The following C1orf167 variants were observed in gnomAD, a reference collection of about 807,000 sequenced individuals.
The protein encoded by C1orf167 is chromosome 1 open reading frame 167, also known as uncharacterized protein C1orf167.
A neutral mutation model predicts 176.5 loss-of-function variants in C1orf167; 153 were observed. The observed-to-expected ratio is 0.87, with a 90% confidence interval of 0.76 to 0.99. C1orf167 has a LOEUF of 0.99. Among genes scored for constraint, C1orf167 ranks in the 50% least tolerant of loss-of-function variants. The pLI is 0.00. For synonymous variants in C1orf167, 594 were observed against 752.7 expected (o/e 0.79, Z 3.45); for missense variants, 1,490 against 1,817.7 (o/e 0.82, Z 3.28).
intron 6 of C1orf167, among the ~76,000 whole-genome samples, chr1:11,769,821 A>G (rs887226508): frequency 1.8e-4 from 27 of 151,718 alleles, no homozygotes; most frequent in East Asian, 1.8e-3. Context: ...ACAGGCGCCC[A>G]CCACCATGCC....
chr1:11,766,580 C>A lies in C1orf167; in HGVS notation c.794C>A (p.Ala265Asp). 1 of 1,264,726 alleles carries A rather than the reference C, an allele frequency of 7.9e-7. No individual in the cohort carries two copies. 78.3% of individuals were successfully genotyped at this position (1,264,726 alleles called of 1,614,324 possible). Residue 265 changes from alanine to aspartate, a missense_variant, in exon 3 of 21, where the codon GCT becomes GAT. Coordinates refer to ENST00000688073, the MANE Select transcript of C1orf167 (RefSeq NM_001010881.2). The surrounding 1 kb of genome is among the most constrained non-coding windows in gnomAD (Gnocchi z 4.5). ...CAGGCTCCCCAGGAACCCCCCGGTG[C>A]TGTGCAGCAGGACCTCTGGACCGGC... ...RCQAPQEPPG[A>D]VQQDLWTGGG...
intron 1 of C1orf167, among the ~76,000 whole-genome samples, chr1:11,762,713 G>GC (rs1557715154): frequency 6.6e-6 from 1 of 152,228 alleles, no homozygotes; most frequent in African/African-American, 2.4e-5. Context: ...GCTGAAGGCT[G>GC]CAAGGTGCCT....
At position 11,780,011 on chromosome 1, in the gene C1orf167, G is replaced by T. The variant is rs747880454; in HGVS notation, c.2860+1G>T. ...TGCCACTGGCACTCCTGTTGGCAGG[G>T]TGAGTGGAGACTTGGTCGGGGGCAC... On this transcript the variant is annotated splice_donor_variant, in intron 13 of 20. Transcript: ENST00000688073. LOFTEE classifies it high-confidence loss of function. 2.7e-5 allele frequency: 35 copies of T among 1,275,674 alleles called. No individual in the cohort carries two copies. Among genetic ancestry groups the T allele is most frequent in the Non-Finnish European group, 3.3e-5 (32 of 970,528 alleles). 79.0% of individuals were successfully genotyped at this position (1,275,674 alleles called of 1,614,324 possible). A position where few individuals can be genotyped will look rare whatever the true frequency, so the allele number is the denominator to read the frequency against.
chr1:11,787,663 CTT>C (rs1484403929), intron 17 of C1orf167, 170 bp downstream of exon 17: 2 of 883,302 alleles, frequency 2.3e-6, no homozygotes, highest in African/African-American at 3.6e-5. Flanking sequence ...TGAGAAAACA[CTT>C]TGCATTCCTG....
Position 11,782,221 on chromosome 1 carries a change from T to A in C1orf167, c.2893T>A (p.Trp965Arg). 7.7e-7 allele frequency: 1 copy of A among 1,296,894 alleles called. No individual in the cohort carries two copies. Among genetic ancestry groups the A allele is most frequent in the Non-Finnish European group, 1.0e-6 (1 of 986,118 alleles). 80.3% of individuals were successfully genotyped at this position (1,296,894 alleles called of 1,614,324 possible). ...QQFLHEKCQT[W>R]VQVHLQGLQK... ...GTTCCTGCATGAAAAGTGCCAGACATGGGTGCAGGTCCACCTCCAGGGCCT... is the reference window on the plus strand; with the variant it reads ...GTTCCTGCATGAAAAGTGCCAGACAAGGGTGCAGGTCCACCTCCAGGGCCT... The change falls in exon 14 of 21, where the codon TGG becomes AGG. Residue 965 changes from tryptophan to arginine, a missense_variant. Physicochemically the swap from Trp to Arg is moderately radical, Grantham distance 101. Transcript: ENST00000688073.
In C1orf167 at chr1:11,778,728, T is replaced by C; in HGVS notation, c.2408T>C (p.Leu803Pro). Residue 803 changes from leucine (L) to proline (P), a missense_variant, in exon 11 of 21, where the codon CTG becomes CCG. By Grantham distance (98) the Leu-to-Pro change is moderately conservative. Transcript: ENST00000688073. ...CTGAGATGGTGGCACTTGAGGGCACTGGGCCCAGATGCCACATCAAGCTGC... is the reference window on the plus strand; with the variant it reads ...CTGAGATGGTGGCACTTGAGGGCACCGGGCCCAGATGCCACATCAAGCTGC... ...RSLRWWHLRA[L>P]GPDATSSCTK... The C allele has an allele frequency of 7.7e-7, 1 of 1,303,914 alleles. No homozygotes were observed. Among genetic ancestry groups the C allele is most frequent in the Non-Finnish European group, 1.0e-6 (1 of 988,784 alleles). The allele number at this position is 1,303,914 out of a possible 1,614,324, so 80.8% of individuals were successfully genotyped here.
chr1:11,784,706 A>C (rs1643762915), intron 15 of C1orf167, 113 bp downstream of exon 15: 2 of 1,131,230 alleles, frequency 1.8e-6, no homozygotes, highest in Non-Finnish European at 2.2e-6. Context: ...GCAAAGGCTC[A>C]AGAGGGTGGT....
chr1:11,769,809 C>A (rs1642967814), intron 6 of C1orf167, among the ~76,000 whole-genome samples: 1 of 151,664 alleles, frequency 6.6e-6, no homozygotes, highest in Admixed American at 6.6e-5. Context: ...GTAGCTGGGA[C>A]TACAGGCGCC....
In C1orf167 at chr1:11,776,625, C is replaced by T. The variant is rs7538516; in HGVS notation, c.2326C>T (p.Arg776Cys). 0.6 allele frequency: 712,183 copies of T among 1,194,066 alleles called. 215,523 individuals carry two copies. Among genetic ancestry groups the T allele is most frequent in the East Asian group, 0.78 (10,809 of 13,946 alleles). 74.0% of individuals were successfully genotyped at this position (1,194,066 alleles called of 1,614,324 possible). A position where few individuals can be genotyped will look rare whatever the true frequency, so the allele number is the denominator to read the frequency against. Residue 776 changes from arginine (R) to cysteine (C), a missense_variant, in exon 10 of 21, where the codon CGC (arginine) becomes TGC (cysteine). Arg to Cys is a radical substitution (Grantham distance 180, BLOSUM62 -3). Coordinates refer to ENST00000688073, the MANE Select transcript of C1orf167 (RefSeq NM_001010881.2). The part of the protein sequence containing the change: ...LLLWKMRLFQ[R>C]QWANSFFQGL... ...GCTGTGGAAGATGCGGCTTTTCCAG[C>T]GCCAGTGGGCCAAGTAGGTGTCCTC...
rs541759424 is a variant in C1orf167 at position 11,763,738 on chromosome 1, C to T, written c.-70-593C>T. Reference sequence around the variant, plus strand: ...TGCCGCCGCATGAAGAGGAGGCTGTCGGGCGTGAGGACGAGGCAGAATAAG... The same window carrying T: ...TGCCGCCGCATGAAGAGGAGGCTGTTGGGCGTGAGGACGAGGCAGAATAAG... On this transcript the variant is annotated intron_variant, in intron 1 of 20. Coordinates refer to ENST00000688073, the MANE Select transcript of C1orf167 (RefSeq NM_001010881.2). Among the ~76,000 whole-genome samples, 23 of 152,224 alleles carry T rather than the reference C, an allele frequency of 1.5e-4. No homozygotes were observed. In the South Asian group the frequency reaches 3.3e-3, roughly 22 times the overall value.
chr1:11,767,283 G>A lies in C1orf167; in HGVS notation c.1343+19G>A. 7.8e-7 allele frequency: 1 copy of A among 1,282,440 alleles called. No homozygotes were observed. Among genetic ancestry groups the A allele is most frequent in the South Asian group, 1.2e-5 (1 of 80,912 alleles). 79.4% of individuals were successfully genotyped at this position (1,282,440 alleles called of 1,614,324 possible). A position where few individuals can be genotyped will look rare whatever the true frequency, so the allele number is the denominator to read the frequency against. On this transcript the variant is annotated intron_variant, in intron 4 of 20. Transcript: ENST00000688073. ...CAATCTGGTGAGGCCATGGCTGGGT[G>A]GGGACAGGGGTTGGAGTTGGGGGAC... is the stretch of plus-strand genomic sequence containing the variant.
At position 11,778,741 on chromosome 1, in the gene C1orf167, C is replaced by A; in HGVS notation, c.2421C>A (p.Ala807=). Residue 807 remains alanine (A), a synonymous_variant, in exon 11 of 21, where the codon GCC becomes GCA. Transcript: ENST00000688073. Reference sequence around the variant, plus strand: ...ACTTGAGGGCACTGGGCCCAGATGCCACATCAAGCTGCACCAAGACCCCCT... The same window carrying A: ...ACTTGAGGGCACTGGGCCCAGATGCAACATCAAGCTGCACCAAGACCCCCT... ...WWHLRALGPD[A]TSSCTKTPSA... The A allele has an allele frequency of 1.5e-6, 2 of 1,304,018 alleles. No homozygotes were observed. The highest frequency in any genetic ancestry group is 2.0e-6 in the Non-Finnish European group (2 of 988,832). The allele number at this position is 1,304,018 out of a possible 1,614,324, so 80.8% of individuals were successfully genotyped here.
At chr1:11,771,984 C>A in intron 7 of C1orf167, 98 bp from the exon 8 acceptor site, 2 of 948,586 alleles carry the variant, frequency 2.1e-6, no homozygotes, top group Non-Finnish European at 2.8e-6. Context: ...ATGGGGGGTG[C>A]CCTGCGACAG....
chr1:11,764,986 G>A (rs973008453), intron 2 of C1orf167, among the ~76,000 whole-genome samples: 14 of 146,272 alleles, frequency 9.6e-5, no homozygotes, highest in Admixed American at 6.3e-4. Flanking sequence ...CCCAGGAGGC[G>A]GAGGTTGTAG....
intron 13 of C1orf167, among the ~76,000 whole-genome samples, 172 bp downstream of exon 13, chr1:11,780,182 A>T (rs550591251): frequency 6.6e-6 from 1 of 152,348 alleles, no homozygotes; most frequent in Admixed American, 6.5e-5. Flanking sequence ...GATAACAAAC[A>T]TCTGTGGTTT....
intron 13 of C1orf167, 52 bp from the exon 14 acceptor site, chr1:11,782,137 G>A (rs959617304): frequency 1.5e-4 from 177 of 1,210,946 alleles, no homozygotes; most frequent in Middle Eastern, 4.8e-4. Context: ...AGGCCCATGG[G>A]GAGAGGCTGG....
intron 2 of C1orf167, among the ~76,000 whole-genome samples, chr1:11,765,017 G>C (rs938024623): frequency 3.1e-5 from 4 of 129,506 alleles, no homozygotes; most frequent in Non-Finnish European, 6.1e-5. Flanking sequence ...TGGCACCACT[G>C]TGCTCTAGCC....
intron 6 of C1orf167, among the ~76,000 whole-genome samples, chr1:11,771,020 C>CGTGTGTGT (rs1406584534): frequency 2.2e-5 from 2 of 90,580 alleles, no homozygotes; most frequent in African/African-American, 4.2e-5. Context: ...CCTCTGGCAG[C>CGTGTGTGT]GTGTGTGTGT....
Position 11,778,809 on chromosome 1 carries a change from T to C in C1orf167, c.2489T>C (p.Leu830Pro). 7.8e-7 allele frequency: 1 copy of C among 1,282,626 alleles called. No homozygotes were observed. The highest frequency in any genetic ancestry group is 1.6e-5 in the African/African-American group (1 of 62,100). The allele number at this position is 1,282,626 out of a possible 1,614,324, so 79.5% of individuals were successfully genotyped here. A position where few individuals can be genotyped will look rare whatever the true frequency, so the allele number is the denominator to read the frequency against. The change falls in exon 11 of 21, where the codon CTG becomes CCG. Residue 830 changes from leucine to proline, a missense_variant. By Grantham distance (98) the Leu-to-Pro change is moderately conservative. Transcript: ENST00000688073. Reference protein sequence around the residue: ...PLSSSTLQDSLEKVPRAPTLP... With the variant: ...PLSSSTLQDSPEKVPRAPTLP... The stretch of plus-strand genomic sequence containing the variant: ...AGCAGCAGCACACTCCAAGACTCTC[T>C]GGAGAAGGTGAGAGGTAGGAGGGTG...
Sources: allele counts gnomAD v4.1 joint callset (sites outside exome capture counted in the v4.1 genomes callset), GRCh38; gene constraint gnomAD v4.1.1; non-coding constraint Gnocchi (gnomAD v3.1); transcripts MANE v1.5; gene names NCBI Gene and HGNC (gene_info 2026-07-23, HGNC 2026-07-21).